The following GPR137C variants were observed in gnomAD, a reference collection of about 807,000 sequenced individuals.
GPR137C encodes G protein-coupled receptor 137C, also known as integral membrane protein GPR137C.
Under a neutral mutation model 43.4 loss-of-function variants are expected in GPR137C, and 27 were observed. The observed-to-expected ratio is 0.62, with a 90% confidence interval of 0.46 to 0.86. The LOEUF (loss-of-function observed/expected upper bound fraction) is 0.86, where lower values mean the gene tolerates loss of function less well. Among genes scored for constraint, GPR137C ranks in the 40% least tolerant of loss-of-function variants. The pLI is 0.00. For synonymous variants in GPR137C, 285 were observed against 226.9 expected (o/e 1.26, Z -2.30); for missense variants, 522 against 534.6 (o/e 0.98, Z 0.23).
intron 3 of GPR137C, among the ~76,000 whole-genome samples, chr14:52,601,507 TATAGAG>T (rs977333935): frequency 2.0e-5 from 3 of 151,028 alleles, no homozygotes; most frequent in Non-Finnish European, 4.4e-5. Context: ...TGTATATATA[TATAGAG>T]AGAGAGAGAG....
rs1049522234 is a variant in GPR137C, at chr14:52,552,872, A to G, written c.-276A>G. Among the ~76,000 whole-genome samples, 1 of 151,764 alleles carries G rather than the reference A, an allele frequency of 6.6e-6. No homozygotes were observed. The highest frequency in any genetic ancestry group is 1.5e-5 in the Non-Finnish European group (1 of 67,930). On this transcript the variant is annotated 5_prime_UTR_variant, in exon 1 of 7. Coordinates refer to ENST00000321662, the MANE Select transcript of GPR137C (RefSeq NM_001099652.2). ...AGCGCCTCAAATGCTCGGGTTTCTC[A>G]GCTGATTGTCTCCAGCCGAGAGTTG...
intron 1 of GPR137C, among the ~76,000 whole-genome samples, chr14:52,583,883 G>T (rs2038680090): frequency 6.6e-6 from 1 of 151,950 alleles, no homozygotes; most frequent in Non-Finnish European, 1.5e-5. Flanking sequence ...ATTTCTATTT[G>T]AGCCACCCAG....
chr14:52,618,323 C>T (rs182348360), intron 3 of GPR137C, among the ~76,000 whole-genome samples: 15 of 152,230 alleles, frequency 9.9e-5, no homozygotes, highest in Middle Eastern at 3.4e-3. Context: ...ATCTTTTACT[C>T]CAATCTCAGT....
At chr14:52,608,557 A>G (rs1049645869) in intron 3 of GPR137C, among the ~76,000 whole-genome samples, 2 of 152,224 alleles carry the variant, frequency 1.3e-5, no homozygotes, top group African/African-American at 4.8e-5. Flanking sequence ...ATATTAGTGT[A>G]ACAATCATGT....
chr14:52,598,280 TA>T lies in GPR137C; in HGVS notation c.456del (p.Val153SerfsTer19). The T allele has an allele frequency of 7.3e-7, 1 of 1,374,188 alleles. No individual in the cohort carries two copies. The highest frequency in any genetic ancestry group is 9.9e-7 in the Non-Finnish European group (1 of 1,006,386). The allele number at this position is 1,374,188 out of a possible 1,614,324, so 85.1% of individuals were successfully genotyped here. On this transcript the variant is annotated frameshift_variant, in exon 2 of 7. Coordinates refer to ENST00000321662, the MANE Select transcript of GPR137C (RefSeq NM_001099652.2). LOFTEE classifies it high-confidence loss of function. ...LNLYLAEVIC[K>X]VRCATELDRH... ...TTATATTCTCTTTATAGGTTATATGTAAAGTCAGATGTGCCACTGAACTTGA... is the reference window on the plus strand; with the variant it reads ...TTATATTCTCTTTATAGGTTATATGTAAGTCAGATGTGCCACTGAACTTGA...
intron 3 of GPR137C, among the ~76,000 whole-genome samples, chr14:52,601,865 A>G (rs2038930101): frequency 6.6e-6 from 1 of 151,832 alleles, no homozygotes. Context: ...AATAGATAAT[A>G]CTCTGAATAA....
intron 1 of GPR137C, among the ~76,000 whole-genome samples, chr14:52,577,512 G>GCACACACACACACA (rs1325088914): frequency 3.3e-5 from 3 of 92,022 alleles, no homozygotes; most frequent in African/African-American, 1.3e-4. Context: ...GCGTGCGCGC[G>GCACACACACACACA]CGCGCACACA....
intron 1 of GPR137C, among the ~76,000 whole-genome samples, chr14:52,570,433 A>G (rs1219318188): frequency 2.0e-5 from 3 of 152,226 alleles, no homozygotes; most frequent in Non-Finnish European, 2.9e-5. Context: ...AAGAAACTGC[A>G]TCGACTAACG....
In GPR137C at chr14:52,567,662, G is replaced by T. The variant is rs74552279; in HGVS notation, c.444+14071G>T. Among the ~76,000 whole-genome samples, 218 of 134,080 alleles carry T rather than the reference G, an allele frequency of 1.6e-3. 2 individuals carry two copies. Among genetic ancestry groups the T allele is most frequent in the East Asian group, 4.7e-3 (22 of 4,664 alleles). The allele number at this position is 134,080 out of a possible 152,430, so 88.0% of individuals were successfully genotyped here. A position where few individuals can be genotyped will look rare whatever the true frequency, so the allele number is the denominator to read the frequency against. ...ATTCAGATTGTTCTTTTTTTTTTTG[G>T]TTTTTTTTTTTTTTTGAGACAGAGA... On this transcript the variant is annotated intron_variant, in intron 1 of 6. Transcript: ENST00000321662.
chr14:52,553,043 C>T lies in GPR137C; in HGVS notation c.-105C>T. The T allele has an allele frequency of 2.6e-6, 1 of 384,994 alleles. No homozygotes were observed. Among genetic ancestry groups the T allele is most frequent in the Non-Finnish European group, 3.2e-6 (1 of 315,988 alleles). The allele number at this position is 384,994 out of a possible 1,614,324, so 23.8% of individuals were successfully genotyped here. On this transcript the variant is annotated 5_prime_UTR_variant, in exon 1 of 7. Transcript: ENST00000321662. ...TCACGGCGCTTCCTGGGGTTAGAGG[C>T]TGGGGTGGGTGGGGGGTAAGGGGGC...
At position 52,635,209 on chromosome 14, in the gene GPR137C, T is replaced by C. The variant is rs939307317; in HGVS notation, c.*94T>C. ...ATCTACATAAACATTCCATTATCTGTTGCAACTGAAAACAAAATCTGGAAG... is the reference window on the plus strand; with the variant it reads ...ATCTACATAAACATTCCATTATCTGCTGCAACTGAAAACAAAATCTGGAAG... On this transcript the variant is annotated 3_prime_UTR_variant, in exon 7 of 7. Coordinates refer to ENST00000321662, the MANE Select transcript of GPR137C (RefSeq NM_001099652.2). The C allele has an allele frequency of 9.2e-6, 10 of 1,085,974 alleles. No individual in the cohort carries two copies. The African/African-American group carries it at 1.6e-4, about 18-fold the overall frequency. The allele number at this position is 1,085,974 out of a possible 1,614,324, so 67.3% of individuals were successfully genotyped here.
chr14:52,553,459 C>T lies in GPR137C; in HGVS notation c.312C>T (p.Phe104=), dbSNP rs200851420. ...ALRTTLFSAA[F]SLSGSLPLLR... is the part of the protein sequence containing the mutation. ...GGACCACCCTCTTCTCCGCCGCCTT[C>T]TCGCTCAGCGGCTCCCTGCCCTTGC... The change falls in exon 1 of 7, where the codon TTC becomes TTT. Residue 104 remains phenylalanine, a synonymous_variant. Transcript: ENST00000321662. 1,786 of 1,609,004 alleles carry T rather than the reference C, an allele frequency of 1.1e-3. 2 individuals carry two copies. Among genetic ancestry groups the T allele is most frequent in the South Asian group, 2.0e-3 (181 of 91,074 alleles).
chr14:52,553,394 AGCCTCT>A lies in GPR137C; in HGVS notation c.254_259del (p.Cys85_Leu86del). ...CCGCGAGCGGCGGCTGAGTTACCAG[AGCCTCT>A]GCCTCTTCCTCTGTCTCCTGTGGGC... is the stretch of plus-strand genomic sequence containing the variant. On this transcript the variant is annotated inframe_deletion, in exon 1 of 7. Coordinates refer to ENST00000321662, the MANE Select transcript of GPR137C (RefSeq NM_001099652.2). The A allele has an allele frequency of 1.2e-6, 2 of 1,607,464 alleles. No homozygotes were observed. The highest frequency in any genetic ancestry group is 1.7e-6 in the Non-Finnish European group (2 of 1,179,672).
chr14:52,581,370 TAAAA>T (rs142405317), intron 1 of GPR137C, among the ~76,000 whole-genome samples: 3 of 127,472 alleles, frequency 2.4e-5, no homozygotes, highest in Non-Finnish European at 3.3e-5. Context: ...CCTTCTCTAC[TAAAA>T]AAAAAAAAAA....
At chr14:52,567,861 T>C (rs936163405) in intron 1 of GPR137C, among the ~76,000 whole-genome samples, 35 of 152,234 alleles carry the variant, frequency 2.3e-4, no homozygotes, top group African/African-American at 8.4e-4. Context: ...GGTTTCACCA[T>C]GTTGGTCAGG....
intron 3 of GPR137C, among the ~76,000 whole-genome samples, chr14:52,606,769 T>C (rs1334905678): frequency 2.0e-5 from 3 of 152,176 alleles, no homozygotes; most frequent in African/African-American, 7.2e-5. Context: ...TCTTTTGTAT[T>C]TTTTTAAGTC....
At chr14:52,612,246 G>A (rs2039046169) in intron 3 of GPR137C, 6 of 972,198 alleles carry the variant, frequency 6.2e-6, no homozygotes, top group South Asian at 4.8e-5. Context: ...GGAACTCAGT[G>A]TAAATGTAAA....
At chr14:52,577,510 G>A (rs1301563564) in intron 1 of GPR137C, among the ~76,000 whole-genome samples, 6 of 94,396 alleles carry the variant, frequency 6.4e-5, no homozygotes, top group Admixed American at 1.1e-4. Context: ...ACGCGTGCGC[G>A]CGCGCGCACA....
chr14:52,584,342 A>G (rs1321173222), intron 1 of GPR137C, among the ~76,000 whole-genome samples: 1 of 152,172 alleles, frequency 6.6e-6, no homozygotes, highest in Non-Finnish European at 1.5e-5. Context: ...TTTTAAAGGC[A>G]AAATTCTAAA....
Sources: allele counts gnomAD v4.1 joint callset (sites outside exome capture counted in the v4.1 genomes callset), GRCh38; gene constraint gnomAD v4.1.1; transcripts MANE v1.5; gene names NCBI Gene and HGNC (gene_info 2026-07-23, HGNC 2026-07-21).